RYR3: variants seen among roughly 807,000 people sequenced by gnomAD.
RYR3 encodes brain ryanodine receptor-calcium release channel.
RYR3 carries 207 observed loss-of-function variants against 584.3 expected under a neutral mutation model. That is an observed-to-expected ratio of 0.35 (90% CI 0.32 to 0.40). The LOEUF is 0.40. Ranked by LOEUF, RYR3 falls within the 10% of genes least tolerant of loss-of-function variation. RYR3 has a pLI of 1.00. For synonymous variants in RYR3, 2,416 were observed against 2,248.5 expected, an observed-to-expected ratio of 1.07 and a Z score of -2.11; for missense variants, 5,616 against 6,089.2, an observed-to-expected ratio of 0.92 and a Z score of 2.59.
In RYR3 at chr15:33,746,138, T is replaced by C. The variant is rs1567079878; in HGVS notation, c.7970T>C (p.Phe2657Ser). Residue 2657 changes from phenylalanine (F) to serine (S), a missense_variant, in exon 53 of 104, where the codon TTC becomes TCC. Around this residue, in one of 9 missense-constraint regions of RYR3, gnomAD observed 1,280 missense variants for 1,426.2 expected, o/e 0.90. Coordinates refer to ENST00000634891, the MANE Select transcript of RYR3 (RefSeq NM_001036.6). ...NVKTHPLIRPFKTLTEKEKEI... is the reference protein window; with the variant it reads ...NVKTHPLIRPSKTLTEKEKEI... The stretch of plus-strand genomic sequence containing the variant: ...AAGACCCACCCACTGATAAGGCCTT[T>C]CAAGACATTAACGGAGAAGGTAAGA... The C allele has an allele frequency of 6.3e-7, 1 of 1,597,290 alleles. No individual in the cohort carries two copies.
At chr15:33,763,877 A>G (rs2072732925) in intron 60 of RYR3, among the ~76,000 whole-genome samples, 2 of 128,862 alleles carry the variant, frequency 1.6e-5, no homozygotes, top group Non-Finnish European at 3.2e-5. Context: ...TGAGTGACAG[A>G]GCGAGACTTC....
At chr15:33,700,535 A>C (rs1441548366) in intron 41 of RYR3, among the ~76,000 whole-genome samples, 1 of 152,220 alleles carries the variant, frequency 6.6e-6, no homozygotes, top group African/African-American at 2.4e-5. Context: ...TTCTAGCCTG[A>C]GAACCAAACA....
At chr15:33,541,286 C>T (rs1595511296) in intron 7 of RYR3, among the ~76,000 whole-genome samples, 1 of 152,108 alleles carries the variant, frequency 6.6e-6, no homozygotes, top group Non-Finnish European at 1.5e-5. Flanking sequence ...TTATATTTCT[C>T]CTTATGCATC....
chr15:33,844,970 A>G lies in RYR3; in HGVS notation c.13405A>G (p.Ser4469Gly), dbSNP rs1363240038. The G allele has an allele frequency of 6.2e-7, 1 of 1,614,000 alleles. No individual in the cohort carries two copies. The highest frequency in any genetic ancestry group is 1.7e-5 in the Admixed American group (1 of 60,020). The change falls in exon 93 of 104, where the codon AGC becomes GGC. Residue 4469 changes from serine to glycine, a missense_variant. Coordinates refer to ENST00000634891, the MANE Select transcript of RYR3 (RefSeq NM_001036.6). ...GATGGTATTCTTTGTCCTTCAGGAG[A>G]GCACCGGGTATATGGCACCAACCCT... is the stretch of plus-strand genomic sequence containing the variant. ...EAMVFFVLQE[S>G]TGYMAPTLRA...
chr15:33,378,184 G>A (rs1420506688), intron 1 of RYR3, among the ~76,000 whole-genome samples: 2 of 152,178 alleles, frequency 1.3e-5, no homozygotes, highest in African/African-American at 2.4e-5. Flanking sequence ...ACCTATACAG[G>A]CCCATAGGCA....
At chr15:33,389,440 A>G (rs1171075266) in intron 1 of RYR3, among the ~76,000 whole-genome samples, 2 of 152,192 alleles carry the variant, frequency 1.3e-5, no homozygotes, top group African/African-American at 4.8e-5. Context: ...CTACTAGGGA[A>G]TAACAGCAGC....
At chr15:33,552,160 C>T (rs1042246902) in intron 10 of RYR3, among the ~76,000 whole-genome samples, 11 of 152,158 alleles carry the variant, frequency 7.2e-5, no homozygotes, top group African/African-American at 2.7e-4. Flanking sequence ...GGCGGCCTTC[C>T]AGGCAGCTGG....
intron 12 of RYR3, among the ~76,000 whole-genome samples, chr15:33,575,204 A>G (rs928681350): frequency 6.6e-6 from 1 of 152,130 alleles, no homozygotes; most frequent in Non-Finnish European, 1.5e-5. Flanking sequence ...CCCACTGTCA[A>G]TATTAGATCA....
At chr15:33,673,705 CAAAAT>C (rs1368483604) in intron 38 of RYR3, among the ~76,000 whole-genome samples, 1 of 152,134 alleles carries the variant, frequency 6.6e-6, no homozygotes, top group East Asian at 1.9e-4. Flanking sequence ...CTAAAATTAA[CAAAAT>C]AAAAACCATC....
At chr15:33,339,896 A>AG (rs1258831332) in intron 1 of RYR3, among the ~76,000 whole-genome samples, 1 of 152,058 alleles carries the variant, frequency 6.6e-6, no homozygotes, top group East Asian at 1.9e-4. Context: ...CTCAAAAAAA[A>AG]AAAAAAAATT....
intron 48 of RYR3, among the ~76,000 whole-genome samples, chr15:33,732,015 G>A (rs1219693379): frequency 6.6e-6 from 1 of 152,152 alleles, no homozygotes; most frequent in Non-Finnish European, 1.5e-5. Context: ...TCTCAAGATA[G>A]AGCCAGAAGC....
In RYR3 at chr15:33,659,065, A is replaced by G. The variant is rs529658708; in HGVS notation, c.4309-655A>G. Among the ~76,000 whole-genome samples, 30 of 152,276 alleles carry G rather than the reference A, an allele frequency of 2.0e-4. No homozygotes were observed. In the South Asian group the frequency reaches 6.2e-3, roughly 32 times the overall value. ...TCACAGAACATTTGGCAATGTTGGG[A>G]ACCATGTTGGTTGTCATGACTGTGG... On this transcript the variant is annotated intron_variant, in intron 32 of 103. Coordinates refer to ENST00000634891, the MANE Select transcript of RYR3 (RefSeq NM_001036.6).
intron 16 of RYR3, among the ~76,000 whole-genome samples, chr15:33,589,003 G>C (rs561093005): frequency 6.6e-6 from 1 of 152,284 alleles, no homozygotes; most frequent in East Asian, 1.9e-4. Context: ...AAAAATGGTA[G>C]ATCTATTTTT....
intron 1 of RYR3, among the ~76,000 whole-genome samples, chr15:33,421,584 A>G (rs138130035): frequency 6.6e-6 from 1 of 152,290 alleles, no homozygotes; most frequent in East Asian, 1.9e-4. Context: ...GAATGCTGGC[A>G]GAGGAGGGGT....
chr15:33,745,980 T>G, intron 52 of RYR3, 88 bp from the exon 53 acceptor site: 1 of 864,192 alleles, frequency 1.2e-6, no homozygotes. Flanking sequence ...TTACTCCACT[T>G]GCTCCATGAA....
At chr15:33,765,449 A>G (rs1055557765) in intron 60 of RYR3, among the ~76,000 whole-genome samples, 1 of 152,082 alleles carries the variant, frequency 6.6e-6, no homozygotes, top group Non-Finnish European at 1.5e-5. Context: ...CCTGGCTAAC[A>G]TGATAAAACC....
chr15:33,380,831 C>T (rs768753270), intron 1 of RYR3, among the ~76,000 whole-genome samples: 2 of 152,188 alleles, frequency 1.3e-5, no homozygotes, highest in Non-Finnish European at 2.9e-5. Context: ...GCAAAGCTCT[C>T]CTCGGTTCTT....
In RYR3 at chr15:33,663,551, C is replaced by T; in HGVS notation, c.5433C>T (p.Leu1811=). The change falls in exon 36 of 104, where the codon CTC becomes CTT. Residue 1811 remains leucine, a synonymous_variant. Transcript: ENST00000634891. ...TTTCATTGCAGATGTGTGAGCTCCT[C>T]AGCTATCTCTGCGACTGTGAGCTGC... is the stretch of plus-strand genomic sequence containing the variant. The part of the protein sequence containing the change: ...ESVKLQMCEL[L]SYLCDCELQH... 1.2e-6 allele frequency: 2 copies of T among 1,613,720 alleles called. No homozygotes were observed. Among genetic ancestry groups the T allele is most frequent in the Non-Finnish European group, 1.7e-6 (2 of 1,179,822 alleles).
At chr15:33,828,238 T>C (rs946063034) in intron 85 of RYR3, among the ~76,000 whole-genome samples, 2 of 152,214 alleles carry the variant, frequency 1.3e-5, no homozygotes, top group Non-Finnish European at 2.9e-5. Context: ...CAACTGTTCC[T>C]CCATCTCCCT....
Sources: gnomAD v4.1 joint callset for allele counts (sites outside exome capture counted in the v4.1 genomes callset) on GRCh38, gnomAD v4.1.1 for gene constraint, gnomAD v4.1.1 regional missense constraint, MANE v1.5 for transcripts, NCBI Gene and HGNC (gene_info 2026-07-23, HGNC 2026-07-21) for gene names.